TULP4: variants seen among roughly 807,000 people sequenced by gnomAD.
TULP4 encodes TUB like protein 4, also known as tubby-related protein 4.
TULP4 carries 16 observed loss-of-function variants against 129.0 expected under a neutral mutation model. That is an observed-to-expected ratio of 0.12 (90% confidence interval 0.08 to 0.19). The LOEUF (loss-of-function observed/expected upper bound fraction) is 0.19, where lower values mean the gene tolerates loss of function less well. TULP4 is among the 10% of genes least tolerant of loss of function. TULP4 has a pLI of 1.00. For synonymous variants in TULP4, 998 were observed against 854.0 expected (o/e 1.17, Z -2.94); for missense variants, 1,842 against 2,059.1 (o/e 0.89, Z 2.04).
chr6:158,240,657 C>G (rs1278082214), intron 1 of TULP4, among the ~76,000 whole-genome samples: 3 of 113,704 alleles, frequency 2.6e-5, no homozygotes, highest in African/African-American at 8.4e-5. Flanking sequence ...GCTGACCCCC[C>G]CACCTCCCTC....
intron 1 of TULP4, among the ~76,000 whole-genome samples, chr6:158,346,713 A>C (rs1336926280): frequency 4.6e-5 from 7 of 152,154 alleles, no homozygotes; most frequent in Admixed American, 1.3e-4. Context: ...ATGATTTAAG[A>C]CTGGTGTAGA....
chr6:158,484,845 C>A (rs898746438), intron 8 of TULP4, among the ~76,000 whole-genome samples: 1 of 152,250 alleles, frequency 6.6e-6, no homozygotes, highest in African/African-American at 2.4e-5. Flanking sequence ...TGCGTACACA[C>A]GTGCTCTTGC....
At chr6:158,453,487 A>G (rs1779212126) in intron 5 of TULP4, among the ~76,000 whole-genome samples, 1 of 117,094 alleles carries the variant, frequency 8.5e-6, no homozygotes, top group African/African-American at 4.5e-5. Flanking sequence ...CTGTCTCACA[A>G]AAAAAAAAAA....
intron 1 of TULP4, among the ~76,000 whole-genome samples, chr6:158,382,505 A>C (rs557272916): frequency 1.3e-5 from 2 of 152,212 alleles, no homozygotes; most frequent in Non-Finnish European, 2.9e-5. Context: ...TCCAAGCAGC[A>C]GCGAGGGTGA....
chr6:158,296,296 A>G (rs1192647451), intron 1 of TULP4, among the ~76,000 whole-genome samples: 1 of 152,080 alleles, frequency 6.6e-6, no homozygotes, highest in Admixed American at 6.5e-5. Flanking sequence ...CCCGCCCCCA[A>G]TATTTCAACG....
chr6:158,503,092 A>G lies in TULP4; in HGVS notation c.3429A>G (p.Ser1143=), dbSNP rs1178779692. 3.7e-6 allele frequency: 6 copies of G among 1,613,968 alleles called. No homozygotes were observed. Among genetic ancestry groups the G allele is most frequent in the African/African-American group, 1.3e-5 (1 of 74,906 alleles). ...CTCAAGAAAGGACAGCACAGACTTCAGGGCCCAACCCCTTAAAACTGTCCT... is the reference window on the plus strand; with the variant it reads ...CTCAAGAAAGGACAGCACAGACTTCGGGGCCCAACCCCTTAAAACTGTCCT... ...WVPQERTAQT[S]GPNPLKLSSL... The change falls in exon 13 of 14, where the codon TCA becomes TCG. Residue 1143 remains serine, a synonymous_variant. Coordinates refer to ENST00000367097, the MANE Select transcript of TULP4 (RefSeq NM_020245.5). The surrounding 1 kb of genome is among the most constrained non-coding windows in gnomAD (Gnocchi z 4.3).
Position 158,504,118 on chromosome 6 carries a change from C to T in TULP4, c.4455C>T (p.Phe1485=), listed in dbSNP as rs777338744. ...NEATQVYQLD[F]GGRVTQESAK... is the part of the protein sequence containing the mutation. ...CCACCCAGGTCTACCAGCTGGACTT[C>T]GGGGGGCGGGTGACCCAGGAGTCCG... The change falls in exon 13 of 14, where the codon TTC becomes TTT. Residue 1485 remains phenylalanine, a synonymous_variant. Transcript: ENST00000367097. 3.4e-5 allele frequency: 55 copies of T among 1,608,116 alleles called. No homozygotes were observed. Among genetic ancestry groups the T allele is most frequent in the Non-Finnish European group, 4.3e-5 (51 of 1,177,794 alleles).
chr6:158,331,030 T>G (rs1413662726), intron 1 of TULP4, among the ~76,000 whole-genome samples: 1 of 152,100 alleles, frequency 6.6e-6, no homozygotes, highest in African/African-American at 2.4e-5. Flanking sequence ...CCCTCATTGG[T>G]GATGTTAATT....
chr6:158,332,185 AAAAAAAAAAAAAAAAATATAT>A (rs1449282021), intron 1 of TULP4, among the ~76,000 whole-genome samples: 1,005 of 29,354 alleles, frequency 0.034, 1 homozygote, highest in African/African-American at 0.069. Flanking sequence ...AAAAAAAAAA[AAAAAAAAAAAAAAAAATATAT>A]ATATATATAT....
rs71030170 is a variant in TULP4 at position 158,439,700 on chromosome 6, CTTTTTTTTTTTTTTT to C, written c.544-9281_544-9267del. Among the ~76,000 whole-genome samples the C allele has an allele frequency of 7.4e-3, 507 of 68,286 alleles. 8 individuals are homozygous for C. The highest frequency in any genetic ancestry group is 0.028 in the African/African-American group (469 of 16,776). 44.8% of individuals were successfully genotyped at this position (68,286 alleles called of 152,430 possible). ...CATGTAAGCTCTTGTACTAGAGTTT[CTTTTTTTTTTTTTTT>C]TTTTTTTTTTTTTTGAGACGGAGTC... is the stretch of plus-strand genomic sequence containing the variant. On this transcript the variant is annotated intron_variant, in intron 3 of 13. Coordinates refer to ENST00000367097, the MANE Select transcript of TULP4 (RefSeq NM_020245.5).
intron 12 of TULP4, among the ~76,000 whole-genome samples, chr6:158,499,137 C>A (rs1008855361): frequency 6.6e-6 from 1 of 152,202 alleles, no homozygotes; most frequent in Non-Finnish European, 1.5e-5. Flanking sequence ...GATAAGTTTG[C>A]AGGACTGATT....
chr6:158,310,820 A>G (rs936922055), upstream of TULP4, among the ~76,000 whole-genome samples: 5 of 152,238 alleles, frequency 3.3e-5, no homozygotes, highest in Admixed American at 1.3e-4. Flanking sequence ...ATGGTGCTTC[A>G]GTAGTCCACA....
Position 158,493,020 on chromosome 6 carries a change from T to C in TULP4, c.1632-553T>C, listed in dbSNP as rs1294187567. Among the ~76,000 whole-genome samples, 1 of 152,222 alleles carries C rather than the reference T, an allele frequency of 6.6e-6. No individual in the cohort carries two copies. Among genetic ancestry groups the C allele is most frequent in the Non-Finnish European group, 1.5e-5 (1 of 68,022 alleles). Reference sequence around the variant, plus strand: ...AAGAAATTATAAGAATCACTGGCATTAGGGTAAGAAATGACTTGTTCCACC... The same window carrying C: ...AAGAAATTATAAGAATCACTGGCATCAGGGTAAGAAATGACTTGTTCCACC... On this transcript the variant is annotated intron_variant, in intron 9 of 13. Transcript: ENST00000367097. The surrounding 1 kb of genome is among the most constrained non-coding windows in gnomAD (Gnocchi z 4.4).
intron 1 of TULP4, among the ~76,000 whole-genome samples, chr6:158,297,171 G>GTCTTAATATTTAATATT (rs1779050107): frequency 6.6e-6 from 1 of 152,026 alleles, no homozygotes; most frequent in African/African-American, 2.4e-5. Flanking sequence ...TTTTCCTAGG[G>GTCTTAATATTTAATATT]TCTTAATATT....
chr6:158,315,901 G>A (rs1779481564), intron 1 of TULP4, among the ~76,000 whole-genome samples: 1 of 152,186 alleles, frequency 6.6e-6, no homozygotes, highest in Admixed American at 6.5e-5. Context: ...ACCTCCCAAA[G>A]GTCCCACCTC....
At chr6:158,336,038 AT>A (rs1780024320) in intron 1 of TULP4, among the ~76,000 whole-genome samples, 1 of 152,176 alleles carries the variant, frequency 6.6e-6, no homozygotes, top group African/African-American at 2.4e-5. Context: ...ATGATGAACC[AT>A]TTTGCATTCC....
intron 1 of TULP4, among the ~76,000 whole-genome samples, chr6:158,321,971 A>G (rs1341962276): frequency 6.6e-6 from 1 of 152,138 alleles, no homozygotes; most frequent in Non-Finnish European, 1.5e-5. Context: ...TCCTAGTACC[A>G]TTGTCTGATT....
At chr6:158,452,395 G>T in intron 5 of TULP4, 127 bp downstream of exon 5, 1 of 1,296,526 alleles carries the variant, frequency 7.7e-7, no homozygotes, top group Non-Finnish European at 1.0e-6. Flanking sequence ...GGGCTTCATG[G>T]AGTCTGTTAA....
chr6:158,273,246 C>T (rs1339526811), intron 1 of TULP4, among the ~76,000 whole-genome samples: 1 of 152,092 alleles, frequency 6.6e-6, no homozygotes, highest in Admixed American at 6.6e-5. Flanking sequence ...TTCTGCAGGC[C>T]CTCTCTTTGC....
Sources: gnomAD v4.1 joint callset for allele counts (sites outside exome capture counted in the v4.1 genomes callset) on GRCh38, gnomAD v4.1.1 for gene constraint, Gnocchi (gnomAD v3.1) non-coding constraint, MANE v1.5 for transcripts, NCBI Gene and HGNC (gene_info 2026-07-23, HGNC 2026-07-21) for gene names.